MRPS5: variants seen among roughly 807,000 people sequenced by gnomAD.
The protein encoded by MRPS5 is small ribosomal subunit protein uS5m.
A neutral mutation model predicts 51.9 loss-of-function variants in MRPS5; 27 were observed. The observed-to-expected ratio is 0.52, with a 90% CI of 0.38 to 0.72. The LOEUF (loss-of-function observed/expected upper bound fraction) is 0.72, where lower values mean the gene tolerates loss of function less well. Among genes scored for constraint, MRPS5 ranks in the 30% least tolerant of loss-of-function variants. MRPS5 has a pLI of 0.00. For missense variants in MRPS5, 570 were observed against 545.7 expected, an observed-to-expected ratio of 1.04 and a Z score of -0.44; for synonymous variants, 196 against 193.2, an observed-to-expected ratio of 1.01 and a Z score of -0.12.
chr2:95,093,324 G>A (rs749900980), intron 10 of MRPS5: 1 of 152,302 alleles, frequency 6.6e-6, no homozygotes, highest in Non-Finnish European at 1.5e-5. Context: ...AGACTTAAAC[G>A]TCCCTGTCTG....
At chr2:95,108,867 T>G (rs934459916) in intron 4 of MRPS5, among the ~76,000 whole-genome samples, 5 of 152,166 alleles carry the variant, frequency 3.3e-5, no homozygotes, top group Non-Finnish European at 7.3e-5. Flanking sequence ...TGATATAATC[T>G]AAATTTTTTT....
chr2:95,119,176 C>A (rs977811423), intron 1 of MRPS5, among the ~76,000 whole-genome samples: 17 of 152,072 alleles, frequency 1.1e-4, no homozygotes, highest in African/African-American at 3.9e-4. Flanking sequence ...TAAAAGTGGG[C>A]AACATATTTG....
At chr2:95,092,653 G>A (rs1297013132) in intron 10 of MRPS5, 2 of 152,322 alleles carry the variant, frequency 1.3e-5, no homozygotes, top group East Asian at 3.9e-4. Flanking sequence ...ACAAAAACCT[G>A]AAAAATACAG....
chr2:95,117,928 G>A lies in MRPS5; in HGVS notation c.76C>T (p.Gln26Ter), dbSNP rs760284892. The change falls in exon 2 of 12, where the codon CAG (glutamine) becomes TAG (stop). Residue 26 changes from glutamine to a stop codon, truncating the protein, a stop_gained. Coordinates refer to ENST00000272418, the MANE Select transcript of MRPS5 (RefSeq NM_031902.5). LOFTEE classifies it high-confidence loss of function. Reference protein sequence around the residue: ...SGTAGHLLGRQCSLNTLPAAS... With the variant: ...SGTAGHLLGR ...GCTGGTAAGGTGTTTAGGGAACACT[G>A]CCTCCCCAATAAATGACCTGCAAAT... is the stretch of plus-strand genomic sequence containing the variant. 5 of 1,600,576 alleles carry A rather than the reference G, an allele frequency of 3.1e-6. No homozygotes were observed. In the Admixed American group the frequency reaches 7.2e-5, roughly 23 times the overall value.
chr2:95,116,075 T>C (rs1288823288), intron 2 of MRPS5, among the ~76,000 whole-genome samples: 3 of 151,904 alleles, frequency 2.0e-5, no homozygotes. Flanking sequence ...CCAGCTAATT[T>C]TTGTATTTTT....
At chr2:95,115,028 G>GT (rs760873774) in intron 3 of MRPS5, 38 bp downstream of exon 3, 2 of 1,465,872 alleles carry the variant, frequency 1.4e-6, no homozygotes, top group Non-Finnish European at 1.8e-6. Context: ...TCCTTTTCCT[G>GT]TTTCAAGAAA....
In MRPS5 at chr2:95,086,639, A is replaced by G. The variant is rs1675298040; in HGVS notation, c.*718T>C. Among the ~76,000 whole-genome samples, 1 of 152,218 alleles carries G rather than the reference A, an allele frequency of 6.6e-6. No homozygotes were observed. The highest frequency in any genetic ancestry group is 2.1e-4 in the South Asian group (1 of 4,836). ...AAAGAGTATGCAAAGAAATAAAAAT[A>G]TATATATTCCACAGAATGGGTAAAA... On this transcript the variant is annotated 3_prime_UTR_variant, in exon 12 of 12. Transcript: ENST00000272418.
chr2:95,112,105 C>T (rs1676137763), intron 3 of MRPS5, among the ~76,000 whole-genome samples: 1 of 152,078 alleles, frequency 6.6e-6, no homozygotes, highest in African/African-American at 2.4e-5. Flanking sequence ...ACTCTTGTCG[C>T]CCCAGATGGA....
chr2:95,100,402 A>C, intron 10 of MRPS5, 72 bp downstream of exon 10: 1 of 1,143,862 alleles, frequency 8.7e-7, no homozygotes, highest in Non-Finnish European at 1.3e-6. Context: ...ATGAACAAAA[A>C]TAGAGGAGAG....
At chr2:95,094,528 C>T (rs1264685936) in intron 10 of MRPS5, among the ~76,000 whole-genome samples, 3 of 152,184 alleles carry the variant, frequency 2.0e-5, no homozygotes, top group South Asian at 4.1e-4. Context: ...AGACTAACAG[C>T]GGATCTCTCA....
chr2:95,107,023 CTCAGTTCACCACT>C (rs142619127), intron 5 of MRPS5, among the ~76,000 whole-genome samples: 1 of 152,308 alleles, frequency 6.6e-6, no homozygotes, highest in East Asian at 1.9e-4. Context: ...TTAGGTCTCT[CTCAGTTCACCACT>C]GCAGCCATTT....
chr2:95,117,968 T>A (rs756294994), intron 1 of MRPS5, 23 bp from the exon 2 acceptor site: 69 of 1,487,166 alleles, frequency 4.6e-5, no homozygotes, highest in Admixed American at 1.2e-4. Context: ...AAAAAAAAAA[T>A]TTAAGATACA....
At position 95,086,686 on chromosome 2, in the gene MRPS5, TA is replaced by T. The variant is rs1205872585; in HGVS notation, c.*670del. Among the ~76,000 whole-genome samples, 29 of 152,102 alleles carry T rather than the reference TA, an allele frequency of 1.9e-4. 1 individual carries two copies. The highest frequency in any genetic ancestry group is 5.8e-4 in the African/African-American group (24 of 41,524). On this transcript the variant is annotated 3_prime_UTR_variant, in exon 12 of 12. Coordinates refer to ENST00000272418, the MANE Select transcript of MRPS5 (RefSeq NM_031902.5). ...AAAAACTTCTGTAAAGCATGTATGA[TA>T]GGGGGGCTTATATCTAGAAACTATA... is the stretch of plus-strand genomic sequence containing the variant.
At chr2:95,109,419 T>C (rs1048868147) in intron 4 of MRPS5, among the ~76,000 whole-genome samples, 2 of 152,186 alleles carry the variant, frequency 1.3e-5, no homozygotes, top group Admixed American at 6.5e-5. Flanking sequence ...GTCAACAAAC[T>C]AAGGCCCACA....
rs1318319246 is a variant in MRPS5, at chr2:95,101,532, T to TA, written c.810+144_810+145insT. 5.1e-6 allele frequency: 3 copies of TA among 586,624 alleles called. No homozygotes were observed. In the East Asian group the frequency reaches 9.2e-5, roughly 18 times the overall value. 36.3% of individuals were successfully genotyped at this position (586,624 alleles called of 1,614,324 possible). On this transcript the variant is annotated intron_variant, in intron 8 of 11. Coordinates refer to ENST00000272418, the MANE Select transcript of MRPS5 (RefSeq NM_031902.5). ...GGAATATAAGTACTTCTGAAACTGA[T>TA]TTTTATGAGCTAATTAACCCTTGAC...
At chr2:95,121,672 C>T in intron 1 of MRPS5, 62 bp downstream of exon 1, 2 of 1,500,634 alleles carry the variant, frequency 1.3e-6, no homozygotes, top group Non-Finnish European at 8.9e-7. Context: ...TCTGCAGGCC[C>T]CAGGCGAGCC....
intron 10 of MRPS5, among the ~76,000 whole-genome samples, chr2:95,098,858 C>T (rs1301995707): frequency 6.6e-6 from 1 of 151,060 alleles, no homozygotes; most frequent in Non-Finnish European, 1.5e-5. Flanking sequence ...AGAAAGAAAA[C>T]ATGAATATAA....
chr2:95,102,157 A>G (rs772035523), intron 7 of MRPS5, among the ~76,000 whole-genome samples: 6 of 144,578 alleles, frequency 4.2e-5, no homozygotes, highest in Non-Finnish European at 9.2e-5. Flanking sequence ...GTCTCAAAAC[A>G]AAAAAAAAAA....
Position 95,121,720 on chromosome 2 carries a change from G to C in MRPS5, c.58+14C>G. ...CCCGCTCAGAGCCCCTGCTCCCGGC[G>C]TCCCAGCTCTCACCTGCCGTCCCGC... is the stretch of plus-strand genomic sequence containing the variant. On this transcript the variant is annotated intron_variant, in intron 1 of 11. Coordinates refer to ENST00000272418, the MANE Select transcript of MRPS5 (RefSeq NM_031902.5). 6.5e-7 allele frequency: 1 copy of C among 1,535,586 alleles called. No homozygotes were observed. Among genetic ancestry groups the C allele is most frequent in the African/African-American group, 1.4e-5 (1 of 71,524 alleles).
Sources: allele counts gnomAD v4.1 joint callset (sites outside exome capture counted in the v4.1 genomes callset), GRCh38; gene constraint gnomAD v4.1.1; transcripts MANE v1.5; gene names NCBI Gene and HGNC (gene_info 2026-07-23, HGNC 2026-07-21).